Variants in EXOSC10 observed in about 807,000 individuals in gnomAD.
EXOSC10 encodes exosome component 10, also known as exosome complex component 10.
Under a neutral mutation model 126.6 loss-of-function variants are expected in EXOSC10, and 94 were observed. The ratio of observed to expected loss-of-function variants is 0.74; its 90% CI spans 0.63 to 0.88. The LOEUF is 0.88. Among genes scored for constraint, EXOSC10 ranks in the 40% least tolerant of loss-of-function variants. The pLI is 0.00. For synonymous variants in EXOSC10, 395 were observed against 400.8 expected (o/e 0.99, Z 0.17); for missense variants, 1,041 against 1,100.5 (o/e 0.95, Z 0.77).
chr1:11,085,788 A>G (rs1182258070), intron 9 of EXOSC10, among the ~76,000 whole-genome samples: 4 of 150,828 alleles, frequency 2.7e-5, no homozygotes, highest in Non-Finnish European at 1.5e-5. Context: ...ATTTTGAGAT[A>G]CGTCCCATCA....
intron 1 of EXOSC10, among the ~76,000 whole-genome samples, chr1:11,099,335 G>A (rs1379959975): frequency 6.6e-6 from 1 of 151,696 alleles, no homozygotes; most frequent in African/African-American, 2.4e-5. Context: ...ACTGGCCGCG[G>A]GAGGAGACAA....
At chr1:11,080,475 A>C in intron 13 of EXOSC10, 24 bp downstream of exon 13, 7 of 1,613,598 alleles carry the variant, frequency 4.3e-6, no homozygotes, top group Non-Finnish European at 5.9e-6. Flanking sequence ...AAGTCAGAAC[A>C]TATTAATCAG....
intron 16 of EXOSC10, 39 bp downstream of exon 16, chr1:11,077,326 C>G: frequency 6.3e-7 from 1 of 1,589,758 alleles, no homozygotes; most frequent in Non-Finnish European, 8.6e-7. Flanking sequence ...AGCTGTGTCC[C>G]AACCTCTTCG....
chr1:11,077,076 C>T (rs538787034), intron 16 of EXOSC10, 128 bp from the exon 17 acceptor site: 16 of 698,248 alleles, frequency 2.3e-5, no homozygotes, highest in Non-Finnish European at 3.2e-5. Context: ...ACTGCAACCT[C>T]CGCCTCCTCG....
At chr1:11,090,126 T>C (rs1348579933) in intron 6 of EXOSC10, among the ~76,000 whole-genome samples, 1 of 151,072 alleles carries the variant, frequency 6.6e-6, no homozygotes, top group East Asian at 2.0e-4. Context: ...GCCTCCCGAG[T>C]AGCTGGGATT....
Position 11,082,566 on chromosome 1 carries a change from A to T in EXOSC10, c.1280+122T>A. On this transcript the variant is annotated intron_variant, in intron 10 of 24. Coordinates refer to ENST00000376936, the MANE Select transcript of EXOSC10 (RefSeq NM_001001998.3). ...ACGCTGCTGAAGATGCCTGGCGAAA[A>T]GCCTGATGCCATTCATCTCAATGAG... is the stretch of plus-strand genomic sequence containing the variant. 16 of 1,514,902 alleles carry T rather than the reference A, an allele frequency of 1.1e-5. No homozygotes were observed. The South Asian group carries it at 2.2e-4, about 20-fold the overall frequency. The allele number at this position is 1,514,902 out of a possible 1,614,324, so 93.8% of individuals were successfully genotyped here.
rs1320667694 is a variant in EXOSC10, at chr1:11,082,830, C to T, written c.1138G>A (p.Gly380Arg). 3 of 1,614,184 alleles carry T rather than the reference C, an allele frequency of 1.9e-6. No homozygotes were observed. Among genetic ancestry groups the T allele is most frequent in the Admixed American group, 1.7e-5 (1 of 60,018 alleles). Reference protein sequence around the residue: ...SDIEWLQKDFGLYVVNMFDTH... With the variant: ...SDIEWLQKDFRLYVVNMFDTH... ...TCAAACATGTTTACTACATACAACC[C>T]AAAGTCTTTCTGTAGCCATTCTATG... Residue 380 changes from glycine to arginine, a missense_variant, in exon 10 of 25, where the codon GGG (glycine) becomes AGG (arginine). Gly to Arg is a moderately radical substitution (Grantham distance 125). Coordinates refer to ENST00000376936, the MANE Select transcript of EXOSC10 (RefSeq NM_001001998.3).
intron 3 of EXOSC10, among the ~76,000 whole-genome samples, chr1:11,092,213 C>T (rs566489077): frequency 1.3e-5 from 2 of 152,166 alleles, no homozygotes; most frequent in Admixed American, 6.6e-5. Flanking sequence ...ACACTTACCA[C>T]CTGTTTTTCT....
intron 20 of EXOSC10, 103 bp from the exon 21 acceptor site, chr1:11,071,076 G>T: frequency 1.0e-6 from 1 of 976,918 alleles, no homozygotes; most frequent in Non-Finnish European, 1.6e-6. Context: ...GGGTTGTCAC[G>T]GCTGATTCCT....
At chr1:11,084,062 A>G (rs1465653350) in intron 9 of EXOSC10, among the ~76,000 whole-genome samples, 1 of 152,152 alleles carries the variant, frequency 6.6e-6, no homozygotes. Flanking sequence ...AGTCTTTACT[A>G]TTGTGAATAG....
intron 4 of EXOSC10, 101 bp downstream of exon 4, chr1:11,091,392 C>G: frequency 9.4e-7 from 1 of 1,066,652 alleles, no homozygotes; most frequent in Non-Finnish European, 1.4e-6. Flanking sequence ...AGACAGTGGC[C>G]AGTTCTCTAA....
At chr1:11,082,008 G>A (rs1414283538) in intron 10 of EXOSC10, among the ~76,000 whole-genome samples, 2 of 151,764 alleles carry the variant, frequency 1.3e-5, no homozygotes, top group African/African-American at 4.8e-5. Context: ...CTTGAACCCG[G>A]GAGGCAGAGG....
chr1:11,071,087 C>A, intron 20 of EXOSC10, 114 bp from the exon 21 acceptor site: 1 of 884,562 alleles, frequency 1.1e-6, no homozygotes, highest in East Asian at 2.5e-5. Flanking sequence ...GCTGATTCCT[C>A]CTCCCTCTCA....
intron 21 of EXOSC10, among the ~76,000 whole-genome samples, chr1:11,070,387 G>C (rs1364230969): frequency 6.6e-6 from 1 of 151,754 alleles, no homozygotes; most frequent in African/African-American, 2.4e-5. Flanking sequence ...GCTGGGAATG[G>C]TGGTGTGTGC....
Position 11,085,935 on chromosome 1 carries a change from G to A in EXOSC10, c.1089+1513C>T, listed in dbSNP as rs1222002725. ...CGCTGCATTACATTTATTGATTTGC[G>A]TATGTTGAACCAGCCTTGCATCCCA... On this transcript the variant is annotated intron_variant, in intron 9 of 24. Transcript: ENST00000376936. 1.1e-4 allele frequency among the ~76,000 whole-genome samples: 17 copies of A among 152,196 alleles called. 1 individual carries two copies. Among genetic ancestry groups the A allele is most frequent in the South Asian group, 1.0e-3 (5 of 4,816 alleles).
chr1:11,089,452 A>C (rs1333069193), intron 6 of EXOSC10, among the ~76,000 whole-genome samples: 2 of 151,110 alleles, frequency 1.3e-5, no homozygotes, highest in Non-Finnish European at 3.0e-5. Context: ...TCTACTAAAA[A>C]AAAAAAAGAT....
At chr1:11,074,792 C>T (rs1177480476) in intron 17 of EXOSC10, among the ~76,000 whole-genome samples, 1 of 152,136 alleles carries the variant, frequency 6.6e-6, no homozygotes, top group Non-Finnish European at 1.5e-5. Flanking sequence ...GTTGTGTCTG[C>T]AACAGCACAC....
chr1:11,066,761 CA>C lies in EXOSC10; in HGVS notation c.2628-14del. On this transcript the variant is annotated splice_polypyrimidine_tract_variant and intron_variant, in intron 24 of 24. Transcript: ENST00000376936. ...GTACCTGAAGCCTCTGCAGAGAGTA[CA>C]AAAACAACAGTTATTTCTTCCGGGC... is the stretch of plus-strand genomic sequence containing the variant. 1 of 1,614,020 alleles carries C rather than the reference CA, an allele frequency of 6.2e-7. No homozygotes were observed. Among genetic ancestry groups the C allele is most frequent in the Non-Finnish European group, 8.5e-7 (1 of 1,179,896 alleles).
At chr1:11,069,083 C>T (rs1166078179) in intron 22 of EXOSC10, among the ~76,000 whole-genome samples, 1 of 152,124 alleles carries the variant, frequency 6.6e-6, no homozygotes, top group Non-Finnish European at 1.5e-5. Flanking sequence ...TCTGCTTTCT[C>T]TTTTCCAAAG....
Sources: gnomAD v4.1 joint callset for allele counts (sites outside exome capture counted in the v4.1 genomes callset) on GRCh38, gnomAD v4.1.1 for gene constraint, MANE v1.5 for transcripts, NCBI Gene and HGNC (gene_info 2026-07-23, HGNC 2026-07-21) for gene names.